REPS1: variants seen among roughly 807,000 people sequenced by gnomAD.
REPS1 encodes the protein RALBP1 associated Eps domain containing 1, also known as ralBP1-associated Eps domain-containing protein 1.
A neutral mutation model predicts 100.9 loss-of-function variants in REPS1; 39 were observed. That is an observed-to-expected ratio of 0.39 (90% CI 0.30 to 0.50). The LOEUF (loss-of-function observed/expected upper bound fraction) is 0.50. REPS1 is among the 20% of genes least tolerant of loss of function. The probability of loss-of-function intolerance (pLI) is 0.86; values close to 1 mark genes in which losing one functional copy is unlikely to be tolerated. For synonymous variants in REPS1, 324 were observed against 340.3 expected (o/e 0.95, Z 0.53); for missense variants, 821 against 968.5 (o/e 0.85, Z 2.02).
chr6:138,981,402 A>G (rs1057484053), intron 1 of REPS1, among the ~76,000 whole-genome samples: 1 of 152,236 alleles, frequency 6.6e-6, no homozygotes, highest in Non-Finnish European at 1.5e-5. Flanking sequence ...AGATGCATCT[A>G]TAATAGGAAA....
intron 1 of REPS1, 109 bp from the exon 2 acceptor site, chr6:138,948,022 T>C (rs1782751120): frequency 2.0e-6 from 2 of 997,594 alleles, no homozygotes; most frequent in Non-Finnish European, 2.8e-6. Flanking sequence ...ATCTAATAGA[T>C]GGTATAATAC....
chr6:138,924,152 G>C (rs1780954699), intron 10 of REPS1, among the ~76,000 whole-genome samples: 1 of 152,080 alleles, frequency 6.6e-6, no homozygotes, highest in African/African-American at 2.4e-5. Context: ...TTTAAAGTAA[G>C]AATACTGGTT....
chr6:138,975,455 C>T lies in REPS1; in HGVS notation c.153+12075G>A, dbSNP rs546563511. On this transcript the variant is annotated intron_variant, in intron 1 of 19. Transcript: ENST00000450536. ...AAAGCTAGGTTTGAAGAACAACAGACAATTTTCTGTAGTATTAAAGCCAAG... is the reference window on the plus strand; with the variant it reads ...AAAGCTAGGTTTGAAGAACAACAGATAATTTTCTGTAGTATTAAAGCCAAG... 3.9e-5 allele frequency among the ~76,000 whole-genome samples: 6 copies of T among 152,312 alleles called. No homozygotes were observed. The South Asian group carries it at 1.2e-3, about 32-fold the overall frequency.
At chr6:138,968,463 G>A (rs1359506921) in intron 1 of REPS1, among the ~76,000 whole-genome samples, 1 of 152,122 alleles carries the variant, frequency 6.6e-6, no homozygotes, top group Non-Finnish European at 1.5e-5. Context: ...AATCAGCAGA[G>A]CCAAGATATG....
rs568626153 is a variant in REPS1, at chr6:138,979,180, C to CAAAA, written c.153+8346_153+8349dup. 6.4e-3 allele frequency among the ~76,000 whole-genome samples: 382 copies of CAAAA among 59,268 alleles called. 34 individuals carry two copies. The highest frequency in any genetic ancestry group is 0.024 in the African/African-American group (278 of 11,738). 38.9% of individuals were successfully genotyped at this position (59,268 alleles called of 152,430 possible). A position where few individuals can be genotyped will look rare whatever the true frequency, so the allele number is the denominator to read the frequency against. ...TGGGCGACAGAGCGAGAATCCATCA[C>CAAAA]AAAAAAAAAAAAAAAAACAAAAAAA... On this transcript the variant is annotated intron_variant, in intron 1 of 19. Coordinates refer to ENST00000450536, the MANE Select transcript of REPS1 (RefSeq NM_001286611.2).
chr6:138,920,931 A>G, intron 11 of REPS1, 106 bp downstream of exon 11: 2 of 760,154 alleles, frequency 2.6e-6, no homozygotes, highest in Admixed American at 2.4e-5. Context: ...TGTAGAAAGT[A>G]CTAGCTTAAA....
At chr6:138,969,883 T>TTC (rs1491046184) in intron 1 of REPS1, among the ~76,000 whole-genome samples, 2 of 129,062 alleles carry the variant, frequency 1.5e-5, no homozygotes, top group Non-Finnish European at 3.4e-5. Context: ...TTTTTTTTTT[T>TTC]TAGTAAGTAC....
intron 1 of REPS1, among the ~76,000 whole-genome samples, chr6:138,967,976 C>T (rs62440378): frequency 0.031 from 4,671 of 152,228 alleles, 114 homozygotes; most frequent in African/African-American, 0.067. Flanking sequence ...TACAGATGCT[C>T]CTTAACTTAC....
At chr6:138,981,492 T>C (rs941462136) in intron 1 of REPS1, among the ~76,000 whole-genome samples, 1 of 152,188 alleles carries the variant, frequency 6.6e-6, no homozygotes, top group Non-Finnish European at 1.5e-5. Context: ...TCTCACGACC[T>C]TGAAGAACTA....
At position 138,904,606 on chromosome 6, in the gene REPS1, T is replaced by C. The variant is rs1779520785; in HGVS notation, c.*458A>G. 6.6e-6 allele frequency: 1 copy of C among 152,610 alleles called. No individual in the cohort carries two copies. Among genetic ancestry groups the C allele is most frequent in the Admixed American group, 6.5e-5 (1 of 15,290 alleles). The allele number at this position is 152,610 out of a possible 1,614,324, so 9.5% of individuals were successfully genotyped here. On this transcript the variant is annotated 3_prime_UTR_variant, in exon 20 of 20. Transcript: ENST00000450536. ...AATTAGCTTATGGTGAAAACCACCT[T>C]ATCCAATATAATTCTTTAAAATCAA...
At chr6:138,912,210 T>A (rs1197769420) in intron 16 of REPS1, among the ~76,000 whole-genome samples, 2 of 152,224 alleles carry the variant, frequency 1.3e-5, no homozygotes, top group Non-Finnish European at 2.9e-5. Context: ...AGAGAGGTTC[T>A]TGCCATTGGA....
At chr6:138,914,428 T>C (rs1193393817) in intron 15 of REPS1, among the ~76,000 whole-genome samples, 1 of 152,232 alleles carries the variant, frequency 6.6e-6, no homozygotes, top group East Asian at 1.9e-4. Context: ...GGATATTTCC[T>C]ATCTCCCAAT....
intron 17 of REPS1, 87 bp downstream of exon 17, chr6:138,911,189 A>C: frequency 1.1e-6 from 1 of 870,226 alleles, no homozygotes; most frequent in Non-Finnish European, 1.9e-6. Flanking sequence ...AATGGGTTAG[A>C]TGATTTCTGG....
At chr6:138,984,024 A>AT (rs1363791373) in intron 1 of REPS1, among the ~76,000 whole-genome samples, 1 of 151,620 alleles carries the variant, frequency 6.6e-6, no homozygotes, top group Non-Finnish European at 1.5e-5. Flanking sequence ...ACACTGCCAA[A>AT]TAACCCAGGC....
intron 10 of REPS1, among the ~76,000 whole-genome samples, chr6:138,921,567 CTTTTTTTTT>C (rs755518526): frequency 5.2e-5 from 3 of 57,680 alleles, no homozygotes; most frequent in African/African-American, 2.1e-4. Context: ...TAGGAGGATC[CTTTTTTTTT>C]TTTTTTTTTT....
intron 1 of REPS1, among the ~76,000 whole-genome samples, chr6:138,960,726 T>A (rs1350907597): frequency 6.6e-6 from 1 of 152,192 alleles, no homozygotes; most frequent in African/African-American, 2.4e-5. Flanking sequence ...CGATACTACA[T>A]CAAAATTCAA....
At chr6:138,908,566 A>T (rs1281901536) in intron 18 of REPS1, 102 bp downstream of exon 18, 1 of 1,271,120 alleles carries the variant, frequency 7.9e-7, no homozygotes, top group African/African-American at 1.5e-5. Flanking sequence ...AAATGCTGGG[A>T]TTACAGGTGT....
chr6:138,950,362 T>C (rs941098880), intron 1 of REPS1, among the ~76,000 whole-genome samples: 1 of 152,086 alleles, frequency 6.6e-6, no homozygotes, highest in Admixed American at 6.5e-5. Flanking sequence ...ATGCCTATAG[T>C]CCCAACTACT....
Position 138,920,269 on chromosome 6 carries a change from A to C in REPS1, c.1474T>G (p.Leu492Val). The C allele has an allele frequency of 3.1e-6, 5 of 1,604,520 alleles. No homozygotes were observed. The highest frequency in any genetic ancestry group is 4.3e-6 in the Non-Finnish European group (5 of 1,171,368). The change falls in exon 12 of 20, where the codon TTA becomes GTA. Residue 492 changes from leucine to valine, a missense_variant. Around this residue, in one of 3 missense-constraint regions of REPS1, gnomAD observed 757 missense variants for 866.4 expected, o/e 0.87. Coordinates refer to ENST00000450536, the MANE Select transcript of REPS1 (RefSeq NM_001286611.2). ...GATGAATTTATCTTATTTTCTTCTA[A>C]AAGGTCAGATGGTTTCACAAGTAAT... ...SPLLVKPSDL[L>V]EENKINSSVK...
Sources: allele counts gnomAD v4.1 joint callset (sites outside exome capture counted in the v4.1 genomes callset), GRCh38; gene constraint gnomAD v4.1.1; regional missense constraint gnomAD v4.1.1; transcripts MANE v1.5; gene names NCBI Gene and HGNC (gene_info 2026-07-23, HGNC 2026-07-21).